Variants in ATP13A4 observed in about 807,000 individuals in gnomAD.
ATP13A4 encodes ATPase 13A4.
A neutral mutation model predicts 142.5 loss-of-function variants in ATP13A4; 114 were observed. The ratio of observed to expected loss-of-function variants is 0.80; its 90% CI spans 0.69 to 0.93. The LOEUF (loss-of-function observed/expected upper bound fraction) is 0.93, where lower values mean the gene tolerates loss of function less well. ATP13A4 is among the 40% of genes least tolerant of loss of function. ATP13A4 has a pLI of 0.00. For synonymous variants in ATP13A4, 488 were observed against 514.8 expected, an observed-to-expected ratio of 0.95 and a Z score of 0.70; for missense variants, 1,392 against 1,454.0, an observed-to-expected ratio of 0.96 and a Z score of 0.69.
At chr3:193,550,728 G>T (rs1723507318) in intron 1 of ATP13A4, among the ~76,000 whole-genome samples, 1 of 152,092 alleles carries the variant, frequency 6.6e-6, no homozygotes, top group East Asian at 1.9e-4. Context: ...AATCAGAAAA[G>T]AATTCAAAGG....
At chr3:193,453,007 C>T (rs377065472) in intron 17 of ATP13A4, among the ~76,000 whole-genome samples, 266 of 152,004 alleles carry the variant, frequency 1.7e-3, no homozygotes, top group Non-Finnish European at 3.0e-3. Flanking sequence ...ACCTTACTGG[C>T]GGCAAGACTG....
intron 25 of ATP13A4, among the ~76,000 whole-genome samples, chr3:193,422,312 C>G (rs1387768327): frequency 1.3e-5 from 2 of 149,782 alleles, no homozygotes; most frequent in South Asian, 2.1e-4. Context: ...CAACAAGAGA[C>G]AGATCAACTA....
chr3:193,573,290 C>CAT (rs1724318108), intron 2 of ATP13A4, among the ~76,000 whole-genome samples: 2 of 109,994 alleles, frequency 1.8e-5, no homozygotes, highest in Admixed American at 8.9e-5. Context: ...TATATATATA[C>CAT]ACATATATAT....
chr3:193,474,405 T>A (rs1284056277), intron 8 of ATP13A4, among the ~76,000 whole-genome samples: 3 of 139,340 alleles, frequency 2.2e-5, no homozygotes, highest in Non-Finnish European at 4.7e-5. Context: ...AATACAAAAA[T>A]TAGCCAGGCA....
chr3:193,403,381 C>T (rs1219893638), intron 29 of ATP13A4, among the ~76,000 whole-genome samples: 2 of 152,120 alleles, frequency 1.3e-5, no homozygotes, highest in East Asian at 1.9e-4. Flanking sequence ...GATTTAGGTC[C>T]CAGTTCTGAC....
chr3:193,468,654 C>T (rs991486544), intron 9 of ATP13A4, among the ~76,000 whole-genome samples: 3 of 152,094 alleles, frequency 2.0e-5, no homozygotes, highest in African/African-American at 4.8e-5. Flanking sequence ...GGCTGAAGCA[C>T]GAGAATCACT....
chr3:193,456,667 G>T (rs1458354771), intron 16 of ATP13A4, among the ~76,000 whole-genome samples: 1 of 152,168 alleles, frequency 6.6e-6, no homozygotes, highest in East Asian at 1.9e-4. Flanking sequence ...AACTATTGAA[G>T]TGATGAAGAA....
At chr3:193,461,875 A>G (rs951674838) in intron 13 of ATP13A4, among the ~76,000 whole-genome samples, 1 of 152,198 alleles carries the variant, frequency 6.6e-6, no homozygotes, top group Admixed American at 6.5e-5. Context: ...GGACTGTGCA[A>G]ATCTTTACCA....
chr3:193,567,504 G>A (rs944064403), intron 2 of ATP13A4, among the ~76,000 whole-genome samples: 35 of 152,164 alleles, frequency 2.3e-4, no homozygotes, highest in African/African-American at 7.5e-4. Context: ...CAATCTCTCC[G>A]ATGCAGTCCA....
At chr3:193,520,794 G>A (rs1721674735) in intron 1 of ATP13A4, among the ~76,000 whole-genome samples, 2 of 152,316 alleles carry the variant, frequency 1.3e-5, no homozygotes, top group Non-Finnish European at 1.5e-5. Flanking sequence ...CGTCCATTCA[G>A]TGGTTACAGG....
intron 1 of ATP13A4, among the ~76,000 whole-genome samples, chr3:193,549,179 T>C: frequency 6.6e-6 from 1 of 152,282 alleles, no homozygotes; most frequent in African/African-American, 2.4e-5. Flanking sequence ...TTTGGCATGA[T>C]GTGTTAATCC....
At chr3:193,521,860 G>A (rs1332544365) in intron 1 of ATP13A4, among the ~76,000 whole-genome samples, 1 of 152,116 alleles carries the variant, frequency 6.6e-6, no homozygotes, top group Non-Finnish European at 1.5e-5. Context: ...GTGAACCCAG[G>A]AGGCAGAGGT....
At chr3:193,547,668 C>T (rs546924522) in intron 1 of ATP13A4, among the ~76,000 whole-genome samples, 2 of 152,186 alleles carry the variant, frequency 1.3e-5, no homozygotes, top group Non-Finnish European at 1.5e-5. Context: ...TATTATATCA[C>T]ACTTTCATTA....
At position 193,553,958 on chromosome 3, in the gene ATP13A4, G is replaced by A. The variant is rs550119162; in HGVS notation, c.60+782C>T. Among the ~76,000 whole-genome samples the A allele has an allele frequency of 3.6e-4, 55 of 152,052 alleles. 1 individual carries two copies. The highest frequency in any genetic ancestry group is 2.4e-4 in the Non-Finnish European group (16 of 68,018). On this transcript the variant is annotated intron_variant, in intron 1 of 29. Coordinates refer to ENST00000342695, the MANE Select transcript of ATP13A4 (RefSeq NM_032279.4). ...TTAACATTTTAATTACATCATTACTGGCATAAAAGACTATGCTTACACAAT... is the reference window on the plus strand; with the variant it reads ...TTAACATTTTAATTACATCATTACTAGCATAAAAGACTATGCTTACACAAT...
intron 25 of ATP13A4, among the ~76,000 whole-genome samples, chr3:193,427,904 C>A (rs1199344671): frequency 6.6e-6 from 1 of 152,150 alleles, no homozygotes; most frequent in South Asian, 2.1e-4. Context: ...TCTAAAACAA[C>A]AAAAGCAATG....
At chr3:193,457,245 A>G in intron 15 of ATP13A4, 92 bp from the exon 16 acceptor site, 5 of 1,584,890 alleles carry the variant, frequency 3.2e-6, no homozygotes, top group Non-Finnish European at 4.3e-6. Context: ...TCATTTTAAC[A>G]AATAAGGGGG....
chr3:193,514,593 C>G, intron 2 of ATP13A4, 105 bp downstream of exon 2: 1 of 1,443,004 alleles, frequency 6.9e-7, no homozygotes, highest in Non-Finnish European at 9.6e-7. Flanking sequence ...AGACTGGAGC[C>G]TCCACCTGCT....
chr3:193,528,922 A>G (rs959747348), intron 1 of ATP13A4, among the ~76,000 whole-genome samples: 6 of 152,096 alleles, frequency 3.9e-5, no homozygotes, highest in Non-Finnish European at 5.9e-5. Context: ...TACCCAAACC[A>G]TATTCAAATA....
At chr3:193,572,653 G>A (rs753967426) in intron 2 of ATP13A4, among the ~76,000 whole-genome samples, 1 of 152,194 alleles carries the variant, frequency 6.6e-6, no homozygotes, top group East Asian at 1.9e-4. Flanking sequence ...GTCTGGACAA[G>A]AGTGGAGACA....
Sources: gnomAD v4.1 joint callset for allele counts (sites outside exome capture counted in the v4.1 genomes callset) on GRCh38, gnomAD v4.1.1 for gene constraint, MANE v1.5 for transcripts, NCBI Gene and HGNC (gene_info 2026-07-23, HGNC 2026-07-21) for gene names.